The following CTNNA2 variants were observed in gnomAD, a reference collection of about 807,000 sequenced individuals.
CTNNA2 encodes catenin alpha 2, also known as catenin alpha-2.
A neutral mutation model predicts 101.0 loss-of-function variants in CTNNA2; 42 were observed. The ratio of observed to expected loss-of-function variants is 0.42; its 90% CI spans 0.32 to 0.54. CTNNA2 has a LOEUF of 0.54. CTNNA2 is among the 20% of genes least tolerant of loss of function. The pLI is 0.14. For synonymous variants in CTNNA2, 450 were observed against 456.4 expected (o/e 0.99, Z 0.18); for missense variants, 871 against 1,223.1 (o/e 0.71, Z 4.29).
At chr2:80,430,829 A>G (rs746117833) in intron 9 of CTNNA2, among the ~76,000 whole-genome samples, 3 of 152,090 alleles carry the variant, frequency 2.0e-5, no homozygotes, top group Admixed American at 6.6e-5. Context: ...GGGAGTGTCT[A>G]TTCTCTGCAT....
rs550951578 is a variant in CTNNA2, at chr2:79,891,832, T to C, written c.852+17490T>C. On this transcript the variant is annotated intron_variant, in intron 6 of 18. Transcript: ENST00000402739. ...AAAACAACCTGAAAATATATATATA[T>C]ATGTCAAAATGCTTATGATTTTTCT... 8.7e-4 allele frequency among the ~76,000 whole-genome samples: 133 copies of C among 152,230 alleles called. 1 individual carries two copies. The highest frequency in any genetic ancestry group is 3.2e-3 in the African/African-American group (133 of 41,540).
intron 4 of CTNNA2, among the ~76,000 whole-genome samples, chr2:79,447,951 T>C (rs1395443916): frequency 6.6e-6 from 1 of 152,010 alleles, no homozygotes; most frequent in Non-Finnish European, 1.5e-5. Context: ...TTATTTTGGC[T>C]CCCATAAGAT....
Position 79,828,235 on chromosome 2 carries a change from T to C in CTNNA2, c.299-29778T>C, listed in dbSNP as rs185946186. On this transcript the variant is annotated intron_variant, in intron 3 of 18. Transcript: ENST00000402739. ...AAGGTCCTTTATTTTTGGTTTCTCATTTCTATATAGAAGGCAACACTTTCA... is the reference window on the plus strand; with the variant it reads ...AAGGTCCTTTATTTTTGGTTTCTCACTTCTATATAGAAGGCAACACTTTCA... Among the ~76,000 whole-genome samples the C allele has an allele frequency of 5.5e-3, 833 of 152,332 alleles. 3 individuals are homozygous for C. Among genetic ancestry groups the C allele is most frequent in the Non-Finnish European group, 9.0e-3 (615 of 68,022 alleles).
At chr2:79,579,785 T>A (rs1676034716) in intron 1 of CTNNA2, among the ~76,000 whole-genome samples, 1 of 152,082 alleles carries the variant, frequency 6.6e-6, no homozygotes, top group Admixed American at 6.5e-5. Flanking sequence ...TGGCTAATTT[T>A]GTATTTTTAG....
rs1391538274 is a variant in CTNNA2, at chr2:79,997,873, T to G, written c.1056+88076T>G. On this transcript the variant is annotated intron_variant, in intron 7 of 18. Transcript: ENST00000402739. ...CATGGCTAGAACTAAGTTAGCCACCTGCCTGGTAGATTATGGTGTCCAACA... is the reference window on the plus strand; with the variant it reads ...CATGGCTAGAACTAAGTTAGCCACCGGCCTGGTAGATTATGGTGTCCAACA... Among the ~76,000 whole-genome samples the G allele has an allele frequency of 2.6e-5, 4 of 152,312 alleles. No homozygotes were observed. The East Asian group carries it at 5.8e-4, about 22-fold the overall frequency.
chr2:79,878,993 T>C (rs1384081033), intron 6 of CTNNA2, among the ~76,000 whole-genome samples: 1 of 152,226 alleles, frequency 6.6e-6, no homozygotes, highest in Non-Finnish European at 1.5e-5. Context: ...GAGTTAGTTT[T>C]TGCATAAGGT....
chr2:79,807,412 A>G (rs1215971788), intron 3 of CTNNA2, among the ~76,000 whole-genome samples: 1 of 151,638 alleles, frequency 6.6e-6, no homozygotes, highest in Admixed American at 6.6e-5. Context: ...TTTTTCCAAA[A>G]TCTTCATTTT....
At chr2:79,505,671 G>A (rs1309482222) in intron 5 of CTNNA2, among the ~76,000 whole-genome samples, 1 of 152,202 alleles carries the variant, frequency 6.6e-6, no homozygotes, top group Non-Finnish European at 1.5e-5. Flanking sequence ...AGCCAGAGGT[G>A]AGATTAACCT....
At chr2:79,574,288 G>T (rs1459552044) in intron 1 of CTNNA2, 3 of 152,074 alleles carry the variant, frequency 2.0e-5, no homozygotes, top group Non-Finnish European at 4.4e-5. Context: ...CGTGTCATGG[G>T]GGTTTGGTGT....
intron 2 of CTNNA2, among the ~76,000 whole-genome samples, chr2:79,703,794 C>T (rs1277481345): frequency 6.6e-6 from 1 of 152,044 alleles, no homozygotes; most frequent in East Asian, 1.9e-4. Flanking sequence ...TAACAGAAGT[C>T]AATGATTAAA....
chr2:80,015,959 G>A (rs993474242), intron 7 of CTNNA2, among the ~76,000 whole-genome samples: 3 of 152,158 alleles, frequency 2.0e-5, no homozygotes, highest in Non-Finnish European at 4.4e-5. Flanking sequence ...TGCTTCAAAG[G>A]ACAGCCGTGA....
intron 9 of CTNNA2, among the ~76,000 whole-genome samples, chr2:80,436,373 G>A (rs1192633168): frequency 2.8e-5 from 4 of 141,702 alleles, no homozygotes; most frequent in Admixed American, 7.2e-5. Context: ...GGTCATTTCT[G>A]TAATGTTCAA....
chr2:79,215,699 G>A (rs1674246080), intron 2 of CTNNA2, among the ~76,000 whole-genome samples: 1 of 152,132 alleles, frequency 6.6e-6, no homozygotes, highest in African/African-American at 2.4e-5. Flanking sequence ...ATTAAAAAAA[G>A]GAGCATTAAC....
chr2:79,479,117 T>C (rs1048390330), intron 4 of CTNNA2, among the ~76,000 whole-genome samples: 13 of 152,264 alleles, frequency 8.5e-5, no homozygotes, highest in African/African-American at 3.1e-4. Flanking sequence ...TCATATTTTA[T>C]TGATGTTACC....
At chr2:79,686,207 C>T (rs1344213383) in intron 2 of CTNNA2, among the ~76,000 whole-genome samples, 1 of 152,114 alleles carries the variant, frequency 6.6e-6, no homozygotes, top group African/African-American at 2.4e-5. Flanking sequence ...GAAGATCATG[C>T]TTTACTGAAA....
intron 7 of CTNNA2, among the ~76,000 whole-genome samples, chr2:80,031,159 T>C (rs1456772057): frequency 6.6e-6 from 1 of 152,228 alleles, no homozygotes; most frequent in Admixed American, 6.5e-5. Flanking sequence ...ACTATATTTA[T>C]TGGATCTCAT....
chr2:79,686,087 A>G (rs1022961927), intron 2 of CTNNA2, among the ~76,000 whole-genome samples: 5 of 152,156 alleles, frequency 3.3e-5, no homozygotes, highest in South Asian at 2.1e-4. Context: ...AGGCCCTGAC[A>G]TAAGGCTGAG....
chr2:79,469,000 G>T (rs1240896760), intron 4 of CTNNA2, among the ~76,000 whole-genome samples: 1 of 152,124 alleles, frequency 6.6e-6, no homozygotes, highest in Non-Finnish European at 1.5e-5. Flanking sequence ...ACATTCAAAA[G>T]CTAGCAGAAG....
intron 7 of CTNNA2, among the ~76,000 whole-genome samples, chr2:80,324,401 G>T (rs1679032540): frequency 6.6e-6 from 1 of 151,960 alleles, no homozygotes. Flanking sequence ...TGGATTTGAG[G>T]TCGAGGGCTG....
Sources: allele counts gnomAD v4.1 joint callset (sites outside exome capture counted in the v4.1 genomes callset), GRCh38; gene constraint gnomAD v4.1.1; transcripts MANE v1.5; gene names NCBI Gene and HGNC (gene_info 2026-07-23, HGNC 2026-07-21).